Variants in OR2AG1 observed in about 807,000 individuals in gnomAD.
OR2AG1 encodes the protein olfactory receptor 2AG1.
For synonymous variants in OR2AG1, 157 were observed against 155.6 expected (o/e 1.01, Z -0.07); for missense variants, 391 against 385.9 (o/e 1.01, Z -0.11).
chr11:6,785,027 G>C lies in OR2AG1; in HGVS notation c.-11G>C, dbSNP rs1287217454. On this transcript the variant is annotated 5_prime_UTR_variant, in exon 2 of 2. Transcript: ENST00000641258. Reference sequence around the variant, plus strand: ...ATCCATCTTGTTCTAGGTGATGAAAGAAACCACAGCATGGAGCTCTGGAAC... The same window carrying C: ...ATCCATCTTGTTCTAGGTGATGAAACAAACCACAGCATGGAGCTCTGGAAC... 1 of 1,564,296 alleles carries C rather than the reference G, an allele frequency of 6.4e-7. No homozygotes were observed.
At position 6,785,986 on chromosome 11, in the gene OR2AG1, T is replaced by C; in HGVS notation, c.949T>C (p.Ter317GlnextTer13). 1.2e-6 allele frequency: 2 copies of C among 1,601,516 alleles called. No individual in the cohort carries two copies. Among genetic ancestry groups the C allele is most frequent in the Non-Finnish European group, 1.7e-6 (2 of 1,172,722 alleles). ...CATGCTGCCAGCACACTCCACGCTC[T>C]AGGGAAGGATCATGGCTAGCTTCCA... ...KYMLPAHSTL[*>Q] The change falls in exon 2 of 2, where the codon TAG (stop) becomes CAG (glutamine). Residue 317 changes from the stop codon to glutamine, a stop_lost. Coordinates refer to ENST00000641258, the MANE Select transcript of OR2AG1 (RefSeq NM_001004489.3).
chr11:6,785,477 C>T lies in OR2AG1; in HGVS notation c.440C>T (p.Thr147Met), dbSNP rs368714829. ...SSRACWLMVA[T>M]SWILASLSAL... Reference sequence around the variant, plus strand: ...AGAGCCTGCTGGCTCATGGTGGCCACGTCCTGGATCCTGGCATCCCTAAGT... The same window carrying T: ...AGAGCCTGCTGGCTCATGGTGGCCATGTCCTGGATCCTGGCATCCCTAAGT... The change falls in exon 2 of 2, where the codon ACG (threonine) becomes ATG (methionine). Residue 147 changes from threonine to methionine, a missense_variant. Physicochemically the swap from Thr to Met is moderately conservative, Grantham distance 81. Transcript: ENST00000641258. 1.1e-5 allele frequency: 18 copies of T among 1,614,028 alleles called. No homozygotes were observed. Among genetic ancestry groups the T allele is most frequent in the Admixed American group, 5.0e-5 (3 of 60,006 alleles).
Position 6,785,043 on chromosome 11 carries a change from G to C in OR2AG1, c.6G>C (p.Glu2Asp). ...GTGATGAAAGAAACCACAGCATGGA[G>C]CTCTGGAACTTCACCTTGGGAAGTG... MELWNFTLGSGF... is the reference protein window; with the variant it reads MDLWNFTLGSGF... The change falls in exon 2 of 2, where the codon GAG (glutamate) becomes GAC (aspartate). Residue 2 changes from glutamate to aspartate, a missense_variant. Coordinates refer to ENST00000641258, the MANE Select transcript of OR2AG1 (RefSeq NM_001004489.3). The C allele has an allele frequency of 6.2e-7, 1 of 1,603,058 alleles. No homozygotes were observed. The highest frequency in any genetic ancestry group is 8.5e-7 in the Non-Finnish European group (1 of 1,172,300).
chr11:6,791,194 A>G lies in OR2AG1; in HGVS notation c.*5206A>G, dbSNP rs1235166298. ...CCTATGTGTGACTGATATTTGGTGGAGAAGAACGGACCTAGCTCTTTCCCC... is the reference window on the plus strand; with the variant it reads ...CCTATGTGTGACTGATATTTGGTGGGGAAGAACGGACCTAGCTCTTTCCCC... On this transcript the variant is annotated 3_prime_UTR_variant, in exon 2 of 2. Coordinates refer to ENST00000641258, the MANE Select transcript of OR2AG1 (RefSeq NM_001004489.3). The G allele has an allele frequency of 6.6e-6, 1 of 151,322 alleles. No homozygotes were observed. The highest frequency in any genetic ancestry group is 1.5e-5 in the Non-Finnish European group (1 of 67,504). 9.4% of individuals were successfully genotyped at this position (151,322 alleles called of 1,614,324 possible). A position where few individuals can be genotyped will look rare whatever the true frequency, so the allele number is the denominator to read the frequency against.
chr11:6,786,548 G>C lies in OR2AG1; in HGVS notation c.*560G>C, dbSNP rs996971750. 2.0e-5 allele frequency: 3 copies of C among 151,846 alleles called. No homozygotes were observed. Among genetic ancestry groups the C allele is most frequent in the African/African-American group, 7.3e-5 (3 of 41,308 alleles). The allele number at this position is 151,846 out of a possible 1,614,324, so 9.4% of individuals were successfully genotyped here. A position where few individuals can be genotyped will look rare whatever the true frequency, so the allele number is the denominator to read the frequency against. The stretch of plus-strand genomic sequence containing the variant: ...ATGAAACACTCTAACAAGTGTCTTT[G>C]CTTGTTTGTTTTTGTTTGTTGGTTT... On this transcript the variant is annotated 3_prime_UTR_variant, in exon 2 of 2. Transcript: ENST00000641258.
chr11:6,786,965 T>C lies in OR2AG1; in HGVS notation c.*977T>C, dbSNP rs970558662. On this transcript the variant is annotated 3_prime_UTR_variant, in exon 2 of 2. Transcript: ENST00000641258. ...GTTGCATTTTGAAGATTAAAAATAATATAAAATGATATGGCTAATTACATG... is the reference window on the plus strand; with the variant it reads ...GTTGCATTTTGAAGATTAAAAATAACATAAAATGATATGGCTAATTACATG... 1 of 152,218 alleles carries C rather than the reference T, an allele frequency of 6.6e-6. No individual in the cohort carries two copies. The highest frequency in any genetic ancestry group is 1.5e-5 in the Non-Finnish European group (1 of 68,016). 9.4% of individuals were successfully genotyped at this position (152,218 alleles called of 1,614,324 possible).
In OR2AG1 at chr11:6,785,872, A is replaced by G. The variant is rs151120105; in HGVS notation, c.835A>G (p.Thr279Ala). The change falls in exon 2 of 2, where the codon ACA becomes GCA. Residue 279 changes from threonine to alanine, a missense_variant. Transcript: ENST00000641258. ...RQDNIISVFY[T>A]IVTPALNPLI... ...AGACAACATCATCTCTGTTTTCTAC[A>G]CAATTGTCACTCCAGCCCTGAATCC... is the stretch of plus-strand genomic sequence containing the variant. 3,374 of 1,614,082 alleles carry G rather than the reference A, an allele frequency of 2.1e-3. 3 individuals carry two copies. The highest frequency in any genetic ancestry group is 2.6e-3 in the Non-Finnish European group (3,125 of 1,179,998).
rs142393543 is a variant in OR2AG1, at chr11:6,784,471, G to A, written c.-20-547G>A. 2.9e-3 allele frequency among the ~76,000 whole-genome samples: 445 copies of A among 152,272 alleles called. 2 individuals are homozygous for A. Among genetic ancestry groups the A allele is most frequent in the African/African-American group, 0.01 (422 of 41,548 alleles). On this transcript the variant is annotated intron_variant, in intron 1 of 1. Transcript: ENST00000641258. The stretch of plus-strand genomic sequence containing the variant: ...CTTCTCTCTCAAGCTTCTGTAGAAC[G>A]TGGGGCTGGCCAAGAGAGAAGTAAC...
At chr11:6,784,737 T>A (rs1024243256) in intron 1 of OR2AG1, among the ~76,000 whole-genome samples, 1 of 152,258 alleles carries the variant, frequency 6.6e-6, no homozygotes, top group Non-Finnish European at 1.5e-5. Flanking sequence ...AGAAAGATAA[T>A]TTTTTGCTTT....
rs1847637327 is a variant in OR2AG1, at chr11:6,787,242, A to G, written c.*1254A>G. On this transcript the variant is annotated 3_prime_UTR_variant, in exon 2 of 2. Transcript: ENST00000641258. ...ACAGATTTTTTTAACCTACAAGCAT[A>G]TAGTTATTTTTCCTATATTATATAG... 6.6e-6 allele frequency: 1 copy of G among 152,056 alleles called. No homozygotes were observed. Among genetic ancestry groups the G allele is most frequent in the South Asian group, 2.1e-4 (1 of 4,824 alleles). 9.4% of individuals were successfully genotyped at this position (152,056 alleles called of 1,614,324 possible).
rs1431169289 is a variant in OR2AG1 at position 6,787,482 on chromosome 11, G to C, written c.*1494G>C. The C allele has an allele frequency of 1.3e-5, 2 of 152,026 alleles. No individual in the cohort carries two copies. The highest frequency in any genetic ancestry group is 4.8e-5 in the African/African-American group (2 of 41,392). The allele number at this position is 152,026 out of a possible 1,614,324, so 9.4% of individuals were successfully genotyped here. On this transcript the variant is annotated 3_prime_UTR_variant, in exon 2 of 2. Coordinates refer to ENST00000641258, the MANE Select transcript of OR2AG1 (RefSeq NM_001004489.3). ...ACAAGTTAGTAAATATAAATATAAA[G>C]ACATCTTTATACTTGTAATCAGCAT...
rs10839621 is a variant in OR2AG1 at position 6,783,266 on chromosome 11, A to G, written c.-226A>G. On this transcript the variant is annotated 5_prime_UTR_variant, in exon 1 of 2. Transcript: ENST00000641258. ...TGCTATCTCTAGGGTAGACCTGCAG[A>G]TAAGTGGAAGGAATAGAAGGGCCCT... 25,664 of 152,264 alleles carry G rather than the reference A, an allele frequency of 0.17. 2,248 individuals carry two copies. Among genetic ancestry groups the G allele is most frequent in the South Asian group, 0.28 (1,333 of 4,824 alleles). The allele number at this position is 152,264 out of a possible 1,614,324, so 9.4% of individuals were successfully genotyped here. A position where few individuals can be genotyped will look rare whatever the true frequency, so the allele number is the denominator to read the frequency against.
chr11:6,785,953 G>A lies in OR2AG1; in HGVS notation c.916G>A (p.Gly306Arg), dbSNP rs752461117. 19 of 1,613,786 alleles carry A rather than the reference G, an allele frequency of 1.2e-5. No individual in the cohort carries two copies. The highest frequency in any genetic ancestry group is 1.6e-5 in the Non-Finnish European group (19 of 1,179,900). The change falls in exon 2 of 2, where the codon GGA becomes AGA. Residue 306 changes from glycine to arginine, a missense_variant. Gly to Arg is a moderately radical substitution (Grantham distance 125). Coordinates refer to ENST00000641258, the MANE Select transcript of OR2AG1 (RefSeq NM_001004489.3). ...EVMRALRRVL[G>R]KYMLPAHSTL ...CATGCGGGCCTTGAGGAGGGTCCTG[G>A]GAAAATACATGCTGCCAGCACACTC...
Position 6,785,447 on chromosome 11 carries a change from G to A in OR2AG1, c.410G>A (p.Ser137Asn), listed in dbSNP as rs145500563. The A allele has an allele frequency of 1.2e-6, 2 of 1,614,108 alleles. No homozygotes were observed. The highest frequency in any genetic ancestry group is 1.7e-6 in the Non-Finnish European group (2 of 1,180,010). The change falls in exon 2 of 2, where the codon AGC becomes AAC. Residue 137 changes from serine to asparagine, a missense_variant. Ser to Asn is a conservative substitution (Grantham distance 46). Coordinates refer to ENST00000641258, the MANE Select transcript of OR2AG1 (RefSeq NM_001004489.3). ...CCTCTGACATACATGACCCTCATGA[G>A]CTCAAGAGCCTGCTGGCTCATGGTG... Reference protein sequence around the residue: ...CHPLTYMTLMSSRACWLMVAT... With the variant: ...CHPLTYMTLMNSRACWLMVAT...
At position 6,788,768 on chromosome 11, in the gene OR2AG1, T is replaced by C. The variant is rs1003889727; in HGVS notation, c.*2780T>C. ...AGTTGGCTACAAAGCCCTCTTCAAA[T>C]CCTCCACATATCTGTGCCTGCGTGT... On this transcript the variant is annotated 3_prime_UTR_variant, in exon 2 of 2. Transcript: ENST00000641258. The C allele has an allele frequency of 5.3e-5, 8 of 151,950 alleles. No homozygotes were observed. The highest frequency in any genetic ancestry group is 1.0e-4 in the Non-Finnish European group (7 of 68,006). The allele number at this position is 151,950 out of a possible 1,614,324, so 9.4% of individuals were successfully genotyped here.
In OR2AG1 at chr11:6,786,053, C is replaced by CTTTTG; in HGVS notation, c.*65_*66insTTTTG. On this transcript the variant is annotated 3_prime_UTR_variant, in exon 2 of 2. Transcript: ENST00000641258. ...GAGTCAAAAGATTCATGTTATGAAT[C>CTTTTG]AAATACTAATGGTAAAACCAATACA... is the stretch of plus-strand genomic sequence containing the variant. 3 of 1,278,038 alleles carry CTTTTG rather than the reference C, an allele frequency of 2.3e-6. No homozygotes were observed. Among genetic ancestry groups the CTTTTG allele is most frequent in the Non-Finnish European group, 3.3e-6 (3 of 906,820 alleles). 79.2% of individuals were successfully genotyped at this position (1,278,038 alleles called of 1,614,324 possible).
chr11:6,785,962 A>C lies in OR2AG1; in HGVS notation c.925A>C (p.Met309Leu). The change falls in exon 2 of 2, where the codon ATG becomes CTG. Residue 309 changes from methionine (M) to leucine (L), a missense_variant. Coordinates refer to ENST00000641258, the MANE Select transcript of OR2AG1 (RefSeq NM_001004489.3). ...CTTGAGGAGGGTCCTGGGAAAATACATGCTGCCAGCACACTCCACGCTCTA... is the reference window on the plus strand; with the variant it reads ...CTTGAGGAGGGTCCTGGGAAAATACCTGCTGCCAGCACACTCCACGCTCTA... ...RALRRVLGKY[M>L]LPAHSTL 6.2e-7 allele frequency: 1 copy of C among 1,613,726 alleles called. No individual in the cohort carries two copies. Among genetic ancestry groups the C allele is most frequent in the Non-Finnish European group, 8.5e-7 (1 of 1,179,748 alleles).
rs372052237 is a variant in OR2AG1, at chr11:6,785,235, C to G, written c.198C>G (p.Leu66=). Reference sequence around the variant, plus strand: ...CCATGTACCTCCTGCTTGGGCAGCTCTCTCTCATGGACCTCCTGTTCACAT... The same window carrying G: ...CCATGTACCTCCTGCTTGGGCAGCTGTCTCTCATGGACCTCCTGTTCACAT... ...HMPMYLLLGQ[L]SLMDLLFTSV... Residue 66 remains leucine (L), a synonymous_variant, in exon 2 of 2, where the codon CTC becomes CTG. Coordinates refer to ENST00000641258, the MANE Select transcript of OR2AG1 (RefSeq NM_001004489.3). 3 of 1,614,052 alleles carry G rather than the reference C, an allele frequency of 1.9e-6. No individual in the cohort carries two copies. Among genetic ancestry groups the G allele is most frequent in the Non-Finnish European group, 1.7e-6 (2 of 1,180,022 alleles).
rs1847655891 is a variant in OR2AG1, at chr11:6,788,952, A to AAATAAATAAAGT, written c.*2966_*2967insTAAATAAAGTAA. 6.6e-6 allele frequency: 1 copy of AAATAAATAAAGT among 150,638 alleles called. No individual in the cohort carries two copies. The highest frequency in any genetic ancestry group is 1.5e-5 in the Non-Finnish European group (1 of 67,790). 9.3% of individuals were successfully genotyped at this position (150,638 alleles called of 1,614,324 possible). A position where few individuals can be genotyped will look rare whatever the true frequency, so the allele number is the denominator to read the frequency against. ...TAAATAAATAAATAAATAAATAAATAAAGTAAGAAGTCTTTGCATGACTCC... is the reference window on the plus strand; with the variant it reads ...TAAATAAATAAATAAATAAATAAATAAATAAATAAAGTAAGTAAGAAGTCTTTGCATGACTCC... On this transcript the variant is annotated 3_prime_UTR_variant, in exon 2 of 2. Transcript: ENST00000641258.
Sources: gnomAD v4.1 joint callset for allele counts (sites outside exome capture counted in the v4.1 genomes callset) on GRCh38, gnomAD v4.1.1 for gene constraint, MANE v1.5 for transcripts, NCBI Gene and HGNC (gene_info 2026-07-23, HGNC 2026-07-21) for gene names.